The following TBXT variants were observed in gnomAD, a reference collection of about 807,000 sequenced individuals.
TBXT encodes the protein T-box transcription factor T, also known as T brachyury transcription factor.
In TBXT, 19 loss-of-function variants were observed where a neutral mutation model predicts 41.1. That is an observed-to-expected ratio of 0.46 (90% CI 0.32 to 0.68). TBXT has a LOEUF of 0.68. TBXT is among the 30% of genes least tolerant of loss of function. The pLI is 0.03. For synonymous variants in TBXT, 213 were observed against 238.9 expected (o/e 0.89, Z 1.00); for missense variants, 536 against 582.0 (o/e 0.92, Z 0.81).
chr6:166,168,166 C>G (rs925844921), upstream of TBXT, among the ~76,000 whole-genome samples: 19 of 149,594 alleles, frequency 1.3e-4, no homozygotes, highest in Admixed American at 4.6e-4. Flanking sequence ...CTGGACGCCC[C>G]GGCCTGCCCC....
At chr6:166,166,479 G>C in intron 2 of TBXT, 113 bp downstream of exon 2, 1 of 1,535,976 alleles carries the variant, frequency 6.5e-7, no homozygotes, top group Non-Finnish European at 8.9e-7. Context: ...AGTTTCTCCA[G>C]GGCAGACGTC....
chr6:166,166,389 C>T (rs1024389359), intron 2 of TBXT, among the ~76,000 whole-genome samples: 1 of 152,202 alleles, frequency 6.6e-6, no homozygotes, highest in Admixed American at 6.5e-5. Flanking sequence ...GGGGAGTGCT[C>T]CCGCTCCCCG....
chr6:166,168,431 C>G (rs868582978), upstream of TBXT: 1 of 152,278 alleles, frequency 6.6e-6, no homozygotes, highest in Non-Finnish European at 1.5e-5. Context: ...TAGTGCTGTT[C>G]TCGCGCCTCC....
intron 7 of TBXT, among the ~76,000 whole-genome samples, chr6:166,159,096 C>T (rs890939342): frequency 9.9e-5 from 15 of 152,200 alleles, no homozygotes; most frequent in Non-Finnish European, 1.8e-4. Flanking sequence ...CGCTTGAACC[C>T]GGGAGGCAGA....
At chr6:166,163,017 C>G (rs1239737147) in intron 5 of TBXT, among the ~76,000 whole-genome samples, 1 of 152,244 alleles carries the variant, frequency 6.6e-6, no homozygotes, top group East Asian at 1.9e-4. Context: ...CCTGTGTGTA[C>G]CTGAGTAAAC....
At chr6:166,166,884 GACCCC>G (rs947628581) in intron 1 of TBXT, 28 bp from the exon 2 acceptor site, 10 of 1,612,766 alleles carry the variant, frequency 6.2e-6, no homozygotes, top group Non-Finnish European at 8.5e-6. Flanking sequence ...GGCGCAGGAG[GACCCC>G]GACACTGACC....
Position 166,166,576 on chromosome 6 carries a change from G to A in TBXT, c.471+16C>T, listed in dbSNP as rs1483493624. The A allele has an allele frequency of 6.2e-7, 1 of 1,613,640 alleles. No homozygotes were observed. Among genetic ancestry groups the A allele is most frequent in the South Asian group, 1.1e-5 (1 of 91,074 alleles). ...CTCCTCGCTGGTCCCAGACCTGGCG[G>A]GCTCCTCACACCTACCTGGCCCCCT... On this transcript the variant is annotated intron_variant, in intron 2 of 7. Coordinates refer to ENST00000366876, the MANE Select transcript of TBXT (RefSeq NM_001366285.2).
Position 166,166,804 on chromosome 6 carries a change from T to A in TBXT, c.259A>T (p.Met87Leu). Residue 87 changes from methionine to leucine, a missense_variant, in exon 2 of 8, where the codon ATG becomes TTG. Transcript: ENST00000366876. ...VNVSGLDPNA[M>L]YSFLLDFVAA... is the part of the protein sequence containing the mutation. ...ACGAAGTCCAGCAGGAAGGAGTACATGGCGTTGGGGTCCAGGCCAGACACG... is the reference window on the plus strand; with the variant it reads ...ACGAAGTCCAGCAGGAAGGAGTACAAGGCGTTGGGGTCCAGGCCAGACACG... The A allele has an allele frequency of 6.2e-7, 1 of 1,613,860 alleles. No homozygotes were observed. Among genetic ancestry groups the A allele is most frequent in the Non-Finnish European group, 8.5e-7 (1 of 1,180,038 alleles).
intron 3 of TBXT, 68 bp from the exon 4 acceptor site, chr6:166,164,929 G>A (rs1779068289): frequency 1.6e-6 from 2 of 1,234,058 alleles, no homozygotes; most frequent in African/African-American, 1.5e-5. Flanking sequence ...TTGGCACCAA[G>A]AAATTGAGAA....
intron 3 of TBXT, among the ~76,000 whole-genome samples, chr6:166,165,172 G>A (rs1779072531): frequency 6.6e-6 from 1 of 152,194 alleles, no homozygotes; most frequent in African/African-American, 2.4e-5. Flanking sequence ...TTAGGAAATA[G>A]AGACCTGGAA....
chr6:166,164,946 G>T, intron 3 of TBXT, 85 bp from the exon 4 acceptor site: 1 of 1,084,436 alleles, frequency 9.2e-7, no homozygotes. Context: ...AGAAATGCCA[G>T]TACCACTTTT....
rs138771948 is a variant in TBXT at position 166,167,111 on chromosome 6, G to A, written c.207-255C>T. Among the ~76,000 whole-genome samples the A allele has an allele frequency of 2.7e-4, 41 of 152,356 alleles. No individual in the cohort carries two copies. The East Asian group carries it at 6.2e-3, about 23-fold the overall frequency. Reference sequence around the variant, plus strand: ...TTCAGTGCAGGAGGCCACATCCCGCGGGGACAGGCGGGGACCAGGGCGCGC... The same window carrying A: ...TTCAGTGCAGGAGGCCACATCCCGCAGGGACAGGCGGGGACCAGGGCGCGC... On this transcript the variant is annotated intron_variant, in intron 1 of 7. Coordinates refer to ENST00000366876, the MANE Select transcript of TBXT (RefSeq NM_001366285.2).
chr6:166,168,546 A>T (rs2128524324), upstream of TBXT: 1 of 152,384 alleles, frequency 6.6e-6, no homozygotes. Flanking sequence ...ATCGTGGATC[A>T]GCCTGCCCCG....
In TBXT at chr6:166,157,967, T is replaced by C. The variant is rs1027143653; in HGVS notation, c.*348A>G. 5.1e-6 allele frequency: 2 copies of C among 391,326 alleles called. No homozygotes were observed. Among genetic ancestry groups the C allele is most frequent in the Non-Finnish European group, 9.6e-6 (2 of 208,662 alleles). 24.2% of individuals were successfully genotyped at this position (391,326 alleles called of 1,614,324 possible). Reference sequence around the variant, plus strand: ...CTGGTGGAGTTTACAAATTCTGGTGTGCCAAAGTTGCCAATACACTGTATG... The same window carrying C: ...CTGGTGGAGTTTACAAATTCTGGTGCGCCAAAGTTGCCAATACACTGTATG... On this transcript the variant is annotated 3_prime_UTR_variant, in exon 8 of 8. Coordinates refer to ENST00000366876, the MANE Select transcript of TBXT (RefSeq NM_001366285.2).
chr6:166,158,345 T>A lies in TBXT; in HGVS notation c.1281A>T (p.Ser427=). 1 of 1,614,184 alleles carries A rather than the reference T, an allele frequency of 6.2e-7. No homozygotes were observed. The change falls in exon 8 of 8, where the codon TCA becomes TCT. Residue 427 remains serine, a synonymous_variant. Coordinates refer to ENST00000366876, the MANE Select transcript of TBXT (RefSeq NM_001366285.2). The stretch of plus-strand genomic sequence containing the variant: ...TGGAAGGTGGCGACACAGGTGTCCA[T>A]GAGGCTATGAGGCGGCCTTGGGCTG... The part of the protein sequence containing the change: ...DAAAQGRLIA[S]WTPVSPPSM
chr6:166,166,426 T>C (rs1779115061), intron 2 of TBXT, among the ~76,000 whole-genome samples, 166 bp downstream of exon 2: 1 of 152,206 alleles, frequency 6.6e-6, no homozygotes, highest in Non-Finnish European at 1.5e-5. Context: ...GTTATCAGCT[T>C]AGTATAAACA....
intron 7 of TBXT, among the ~76,000 whole-genome samples, chr6:166,159,975 A>G (rs1235212529): frequency 6.6e-6 from 1 of 152,142 alleles, no homozygotes; most frequent in Non-Finnish European, 1.5e-5. Flanking sequence ...CTTATTATGA[A>G]GGAACTGTTT....
At position 166,158,462 on chromosome 6, in the gene TBXT, G is replaced by A. The variant is rs1778854351; in HGVS notation, c.1164C>T (p.Thr388=). 1 of 1,614,098 alleles carries A rather than the reference G, an allele frequency of 6.2e-7. No homozygotes were observed. Among genetic ancestry groups the A allele is most frequent in the African/African-American group, 1.3e-5 (1 of 75,078 alleles). ...RGSPAHYTPL[T]HPVSAPSSSG... The stretch of plus-strand genomic sequence containing the variant: ...AGGAAGAGGGCGCCGAGACCGGATG[G>A]GTGAGGGGTGTGTAGTGCGCGGGGG... The change falls in exon 8 of 8, where the codon ACC becomes ACT. Residue 388 remains threonine, a synonymous_variant. Coordinates refer to ENST00000366876, the MANE Select transcript of TBXT (RefSeq NM_001366285.2).
chr6:166,167,750 A>C lies in TBXT; in HGVS notation c.-159T>G. 1.1e-6 allele frequency: 1 copy of C among 901,558 alleles called. No homozygotes were observed. Among genetic ancestry groups the C allele is most frequent in the East Asian group, 2.6e-5 (1 of 37,780 alleles). 55.8% of individuals were successfully genotyped at this position (901,558 alleles called of 1,614,324 possible). A position where few individuals can be genotyped will look rare whatever the true frequency, so the allele number is the denominator to read the frequency against. ...TCCCGGGTCCCGGCACAGACCCGGG[A>C]GGAGGGCGCGGACCAAGACTTGGGG... On this transcript the variant is annotated 5_prime_UTR_variant, in exon 1 of 8. Coordinates refer to ENST00000366876, the MANE Select transcript of TBXT (RefSeq NM_001366285.2).
Sources: gnomAD v4.1 joint callset for allele counts (sites outside exome capture counted in the v4.1 genomes callset) on GRCh38, gnomAD v4.1.1 for gene constraint, MANE v1.5 for transcripts, NCBI Gene and HGNC (gene_info 2026-07-23, HGNC 2026-07-21) for gene names.